Variants in SRGAP3 observed in about 807,000 individuals in gnomAD.
SRGAP3 encodes SLIT-ROBO Rho GTPase activating protein 3.
In SRGAP3, 39 loss-of-function variants were observed where a neutral mutation model predicts 121.1. That is an observed-to-expected ratio of 0.32 (90% CI 0.25 to 0.42). The LOEUF is 0.42. Ranked by LOEUF, SRGAP3 falls within the 10% of genes least tolerant of loss-of-function variation. The pLI is 1.00. For synonymous variants in SRGAP3, 601 were observed against 570.0 expected (o/e 1.05, Z -0.77); for missense variants, 1,213 against 1,470.6 (o/e 0.82, Z 2.86).
intron 3 of SRGAP3, among the ~76,000 whole-genome samples, chr3:9,081,500 C>A (rs1349339301): frequency 6.6e-6 from 1 of 152,212 alleles, no homozygotes; most frequent in Non-Finnish European, 1.5e-5. Flanking sequence ...GTCTGAAGAT[C>A]ACTGCTAGAT....
At chr3:9,347,549 T>G (rs1375323268) in intron 1 of SRGAP3, among the ~76,000 whole-genome samples, 2 of 152,174 alleles carry the variant, frequency 1.3e-5, no homozygotes, top group Admixed American at 1.3e-4. Context: ...TGCTCTGTGC[T>G]CGGCCCAAGC....
chr3:9,035,685 G>A (rs914320156), intron 11 of SRGAP3: 4 of 171,686 alleles, frequency 2.3e-5, no homozygotes, highest in Admixed American at 6.4e-5. Flanking sequence ...AGAGAAACCA[G>A]AGACCAATGT....
intron 3 of SRGAP3, among the ~76,000 whole-genome samples, chr3:9,296,372 C>T (rs1954955325): frequency 6.6e-6 from 1 of 152,196 alleles, no homozygotes; most frequent in South Asian, 2.1e-4. Context: ...CTTCAGTTTG[C>T]ATTTCCCTAG....
At chr3:9,311,269 A>T (rs1371636587) in intron 3 of SRGAP3, among the ~76,000 whole-genome samples, 1 of 152,230 alleles carries the variant, frequency 6.6e-6, no homozygotes, top group Non-Finnish European at 1.5e-5. Flanking sequence ...CTCTAGGAAG[A>T]TAATCGCGAA....
chr3:9,269,862 G>A (rs1472847293), intron 3 of SRGAP3, among the ~76,000 whole-genome samples: 1 of 151,886 alleles, frequency 6.6e-6, no homozygotes, highest in African/African-American at 2.4e-5. Flanking sequence ...ACAAAAATGT[G>A]GCAAGGAAGG....
chr3:9,326,843 T>C (rs1192397739), intron 2 of SRGAP3, among the ~76,000 whole-genome samples: 1 of 151,792 alleles, frequency 6.6e-6, no homozygotes, highest in Non-Finnish European at 1.5e-5. Context: ...AAGTCATTCA[T>C]TTCACCAAAA....
At chr3:9,284,019 G>A (rs1325543821) in intron 3 of SRGAP3, among the ~76,000 whole-genome samples, 1 of 152,086 alleles carries the variant, frequency 6.6e-6, no homozygotes, top group Non-Finnish European at 1.5e-5. Flanking sequence ...AGCTCCCATA[G>A]AATCAGAATC....
intron 1 of SRGAP3, among the ~76,000 whole-genome samples, chr3:9,169,155 G>A (rs567677330): frequency 1.1e-4 from 16 of 152,138 alleles, no homozygotes; most frequent in Non-Finnish European, 1.9e-4. Context: ...TAGGAAATGA[G>A]GATAGTAATA....
At chr3:9,350,318 G>T (rs1477497725) in intron 1 of SRGAP3, among the ~76,000 whole-genome samples, 1 of 152,198 alleles carries the variant, frequency 6.6e-6, no homozygotes, top group East Asian at 1.9e-4. Context: ...TTTCAGTAGG[G>T]AAGGTCTTAT....
chr3:9,248,489 G>A (rs1953904427), intron 1 of SRGAP3, among the ~76,000 whole-genome samples: 1 of 152,156 alleles, frequency 6.6e-6, no homozygotes, highest in South Asian at 2.1e-4. Context: ...AAAAAGAGCA[G>A]ATGGTAAAAA....
chr3:9,085,570 G>A lies in SRGAP3; in HGVS notation c.424-5483C>T, dbSNP rs1032630825. Reference sequence around the variant, plus strand: ...AAGACTTGGAATCAACCCAAATACCGATCAATGATAGATTAGAAAAAGAAA... The same window carrying A: ...AAGACTTGGAATCAACCCAAATACCAATCAATGATAGATTAGAAAAAGAAA... On this transcript the variant is annotated intron_variant, in intron 3 of 21. Coordinates refer to ENST00000383836, the MANE Select transcript of SRGAP3 (RefSeq NM_014850.4). Among the ~76,000 whole-genome samples the A allele has an allele frequency of 9.2e-5, 14 of 152,118 alleles. No individual in the cohort carries two copies. In the South Asian group the frequency reaches 1.2e-3, roughly 14 times the overall value.
chr3:9,348,900 G>A, intron 1 of SRGAP3: 2 of 1,051,640 alleles, frequency 1.9e-6, no homozygotes, highest in Admixed American at 3.4e-5. Context: ...TCCTGTGAGA[G>A]TCTGAAGGAC....
At position 8,990,511 on chromosome 3, in the gene SRGAP3, C is replaced by A; in HGVS notation, c.2886+1G>T. 1 of 1,553,692 alleles carries A rather than the reference C, an allele frequency of 6.4e-7. No homozygotes were observed. Among genetic ancestry groups the A allele is most frequent in the Non-Finnish European group, 8.7e-7 (1 of 1,148,720 alleles). ...CAGCCTGCCTTCCCGCTGGCCCTTACTTCTGCCAGGGCCTCGGCCTCCAGG... is the reference window on the plus strand; with the variant it reads ...CAGCCTGCCTTCCCGCTGGCCCTTAATTCTGCCAGGGCCTCGGCCTCCAGG... On this transcript the variant is annotated splice_donor_variant, in intron 21 of 21. Coordinates refer to ENST00000383836, the MANE Select transcript of SRGAP3 (RefSeq NM_014850.4). LOFTEE classifies it high-confidence loss of function.
In SRGAP3 at chr3:9,218,806, G is replaced by A. The variant is rs1952712139; in HGVS notation, c.67+30079C>T. On this transcript the variant is annotated intron_variant, in intron 1 of 21. Coordinates refer to ENST00000383836, the MANE Select transcript of SRGAP3 (RefSeq NM_014850.4). This position sits in a 1 kb window ranked among gnomAD's most constrained non-coding sequence, Gnocchi z 5.3. ...TCCCACCTCAGCCTCTCTAGTAGCT[G>A]GGAATACAGGTGTGAACCACCACAC... Among the ~76,000 whole-genome samples, 1 of 151,844 alleles carries A rather than the reference G, an allele frequency of 6.6e-6. No homozygotes were observed. The highest frequency in any genetic ancestry group is 6.6e-5 in the Admixed American group (1 of 15,242).
Position 9,058,463 on chromosome 3 carries a change from A to T in SRGAP3, c.811T>A (p.Leu271Met), listed in dbSNP as rs1311707163. 6.2e-7 allele frequency: 1 copy of T among 1,613,872 alleles called. No homozygotes were observed. The highest frequency in any genetic ancestry group is 2.2e-5 in the East Asian group (1 of 44,884). ...DVSDLIDCCD[L>M]GFHASLARTF... ...CGGGCCAGGCTGGCATGGAAGCCCA[A>T]ATCACAGCACTTGGGGAGAGGCAAC... Residue 271 changes from leucine (L) to methionine (M), a missense_variant, in exon 7 of 22, where the codon TTG (leucine) becomes ATG (methionine). Leu to Met is a conservative substitution (Grantham distance 15, BLOSUM62 2). This residue lies in a region of SRGAP3 where 793 missense variants were observed against 1,032.9 expected (regional missense o/e 0.77). Transcript: ENST00000383836.
chr3:9,352,106 T>C (rs2030201753), intron 1 of SRGAP3, among the ~76,000 whole-genome samples: 1 of 152,118 alleles, frequency 6.6e-6, no homozygotes. Flanking sequence ...CTGACTCCCC[T>C]GATTACCCTC....
At chr3:9,031,739 A>G (rs1040160925) in intron 12 of SRGAP3, among the ~76,000 whole-genome samples, 7 of 152,116 alleles carry the variant, frequency 4.6e-5, no homozygotes, top group South Asian at 2.1e-4. Flanking sequence ...CCCCCAAATC[A>G]TTGGCAAAGC....
intron 3 of SRGAP3, among the ~76,000 whole-genome samples, chr3:9,277,875 A>C (rs1296311069): frequency 1.3e-5 from 2 of 152,158 alleles, no homozygotes; most frequent in African/African-American, 4.8e-5. Context: ...GTATTAGGAG[A>C]TAGGACCTTT....
At chr3:9,288,063 T>TTATGGAA (rs1452303931) in intron 3 of SRGAP3, among the ~76,000 whole-genome samples, 1 of 152,126 alleles carries the variant, frequency 6.6e-6, no homozygotes, top group Non-Finnish European at 1.5e-5. Context: ...TCTCCTCTTC[T>TTATGGAA]TATGGAATAC....
Sources: allele counts gnomAD v4.1 joint callset (sites outside exome capture counted in the v4.1 genomes callset), GRCh38; gene constraint gnomAD v4.1.1; regional missense constraint gnomAD v4.1.1; non-coding constraint Gnocchi (gnomAD v3.1); transcripts MANE v1.5; gene names NCBI Gene and HGNC (gene_info 2026-07-23, HGNC 2026-07-21).